DGKZ: variants seen among roughly 807,000 people sequenced by gnomAD.
DGKZ encodes DAG kinase zeta.
DGKZ carries 45 observed loss-of-function variants against 142.5 expected under a neutral mutation model. That is an observed-to-expected ratio of 0.32 (90% CI 0.25 to 0.40). The LOEUF is 0.40. Among genes scored for constraint, DGKZ ranks in the 10% least tolerant of loss-of-function variants. DGKZ has a pLI of 1.00. For missense variants in DGKZ, 755 were observed against 1,306.5 expected (o/e 0.58, Z 6.51); for synonymous variants, 442 against 527.0 (o/e 0.84, Z 2.21).
At position 46,379,099 on chromosome 11, in the gene DGKZ, C is replaced by T. The variant is rs777446368; in HGVS notation, c.2527C>T (p.Leu843=). Residue 843 remains leucine (L), a synonymous_variant, in exon 28 of 31, where the codon CTG becomes TTG. Transcript: ENST00000527911. ...TGGCAGCAAGGATGTGGTCCGCTAC[C>T]TGCTGGACCACGGTGAGCCGGGCAG... 10 of 1,607,150 alleles carry T rather than the reference C, an allele frequency of 6.2e-6. No individual in the cohort carries two copies. In the Admixed American group the frequency reaches 1.3e-4, roughly 21 times the overall value.
chr11:46,378,909 C>A, intron 27 of DGKZ, 82 bp from the exon 28 acceptor site: 2 of 1,487,128 alleles, frequency 1.3e-6, no homozygotes, highest in South Asian at 1.3e-5. Context: ...TGCTGGTGTA[C>A]CCGGCTGTGG....
At chr11:46,338,223 G>A (rs974127897) in intron 1 of DGKZ, among the ~76,000 whole-genome samples, 6 of 152,148 alleles carry the variant, frequency 3.9e-5, no homozygotes, top group South Asian at 2.1e-4. Flanking sequence ...CTTGCCGGGC[G>A]TGGTGGCTCA....
At chr11:46,343,145 A>G (rs1172825332), upstream of DGKZ, among the ~76,000 whole-genome samples, 3 of 151,926 alleles carry the variant, frequency 2.0e-5, no homozygotes, top group Non-Finnish European at 2.9e-5. Flanking sequence ...AAAAAAAAGC[A>G]AAAAAAGGAG....
chr11:46,346,752 T>C (rs1940661233), upstream of DGKZ, among the ~76,000 whole-genome samples: 1 of 152,146 alleles, frequency 6.6e-6, no homozygotes, highest in South Asian at 2.1e-4. Flanking sequence ...TCCCGTAGCA[T>C]ATGAGATCTA....
At chr11:46,375,473 G>A in exon 20 of DGKZ, 2 of 1,583,250 alleles carry the variant, frequency 1.3e-6, no homozygotes, top group Non-Finnish European at 1.7e-6. Context: ...GGCTGACGCA[G>A]TGTCGCGAGG....
At chr11:46,349,913 C>T (rs184061360) in intron 1 of DGKZ, among the ~76,000 whole-genome samples, 187 of 152,326 alleles carry the variant, frequency 1.2e-3, no homozygotes, top group African/African-American at 4.3e-3. Flanking sequence ...CTTGGCGTGT[C>T]TGACCCATCA....
chr11:46,378,744 C>A, intron 27 of DGKZ: 1 of 844,550 alleles, frequency 1.2e-6, no homozygotes, highest in Non-Finnish European at 1.9e-6. Flanking sequence ...TAGAAAGGAG[C>A]AGGTCAGAGG....
chr11:46,344,763 A>T (rs1429855909), upstream of DGKZ, among the ~76,000 whole-genome samples: 2 of 152,066 alleles, frequency 1.3e-5, no homozygotes, highest in Non-Finnish European at 2.9e-5. Flanking sequence ...CTATTACTCC[A>T]CTTTACAGAT....
Position 46,352,958 on chromosome 11 carries a change from T to G in DGKZ, c.161+5138T>G, listed in dbSNP as rs1941588537. Among the ~76,000 whole-genome samples, 3 of 152,304 alleles carry G rather than the reference T, an allele frequency of 2.0e-5. No individual in the cohort carries two copies. The South Asian group carries it at 6.2e-4, about 32-fold the overall frequency. On this transcript the variant is annotated intron_variant, in intron 1 of 30. Coordinates refer to ENST00000527911, the Ensembl canonical transcript of DGKZ. ...AGAGCTATCATTCTGCCATCTTTCC[T>G]CTTCACCCCCTGCCTCGCTGAAACA... is the stretch of plus-strand genomic sequence containing the variant.
chr11:46,333,031 C>A, exon 1 of DGKZ: 1 of 344,748 alleles, frequency 2.9e-6, no homozygotes, highest in Non-Finnish European at 5.2e-6. Flanking sequence ...GAGCGCAGCA[C>A]CCCGACTCCA....
chr11:46,346,700 CCTT>C (rs1425348597), upstream of DGKZ, among the ~76,000 whole-genome samples: 1 of 152,002 alleles, frequency 6.6e-6, no homozygotes, highest in Non-Finnish European at 1.5e-5. Flanking sequence ...TACCTGTTGT[CCTT>C]CTGTGTATTT....
intron 1 of DGKZ, chr11:46,366,263 A>T: frequency 6.3e-7 from 1 of 1,577,968 alleles, no homozygotes; most frequent in Non-Finnish European, 8.5e-7. Flanking sequence ...TGCCATGGAG[A>T]CTTTCTTTAG....
At position 46,372,408 on chromosome 11, in the gene DGKZ, T is replaced by C. The variant is rs7936413; in HGVS notation, c.928-20T>C. Reference sequence around the variant, plus strand: ...GTCCCACCACTGCCTGACTGTCTCTTGGCTCCCCATCCCATCCAGGGTGCA... The same window carrying C: ...GTCCCACCACTGCCTGACTGTCTCTCGGCTCCCCATCCCATCCAGGGTGCA... On this transcript the variant is annotated intron_variant, in intron 10 of 30. Coordinates refer to ENST00000527911, the Ensembl canonical transcript of DGKZ. This position sits in a 1 kb window ranked among gnomAD's most constrained non-coding sequence, Gnocchi z 5.9. 286,982 of 1,613,246 alleles carry C rather than the reference T, an allele frequency of 0.18. 30,400 individuals carry two copies. Among genetic ancestry groups the C allele is most frequent in the African/African-American group, 0.49 (36,398 of 74,894 alleles).
chr11:46,375,635 C>T lies in DGKZ; in HGVS notation c.1910+4C>T, dbSNP rs772706336. 32 of 1,553,396 alleles carry T rather than the reference C, an allele frequency of 2.1e-5. No individual in the cohort carries two copies. The highest frequency in any genetic ancestry group is 5.6e-5 in the Admixed American group (3 of 53,652). On this transcript the variant is annotated splice_donor_region_variant and intron_variant, in intron 20 of 30. Coordinates refer to ENST00000527911, the Ensembl canonical transcript of DGKZ. ...GCGCCGCCCCCCTGCACAGCGAGTA[C>T]GTCCCACCCTGCCACGTGCCCTGGG...
chr11:46,373,543 G>A (rs1944223796), intron 14 of DGKZ, among the ~76,000 whole-genome samples: 1 of 150,436 alleles, frequency 6.6e-6, no homozygotes, highest in Non-Finnish European at 1.5e-5. Context: ...TGTCACCCAG[G>A]CTGGAGTACA....
intron 24 of DGKZ, 151 bp downstream of exon 24, chr11:46,376,715 C>T (rs559604335): frequency 5.7e-5 from 60 of 1,050,488 alleles, no homozygotes; most frequent in African/African-American, 5.0e-4. Flanking sequence ...GCATGGACAG[C>T]GTGCGGCCCT....
chr11:46,375,815 C>T (rs2136504200), intron 20 of DGKZ, 36 bp from the exon 21 acceptor site: 2 of 1,547,490 alleles, frequency 1.3e-6, no homozygotes, highest in South Asian at 1.2e-5. Flanking sequence ...AGGCAGGGCC[C>T]TTGCTGAGCC....
In DGKZ at chr11:46,372,768, C is replaced by G. The variant is rs774070488; in HGVS notation, c.1072-3C>G. The G allele has an allele frequency of 4.5e-5, 72 of 1,607,250 alleles. No homozygotes were observed. Among genetic ancestry groups the G allele is most frequent in the South Asian group, 1.2e-4 (11 of 90,154 alleles). On this transcript the variant is annotated splice_polypyrimidine_tract_variant and splice_region_variant and intron_variant, in intron 12 of 30. Transcript: ENST00000527911. This position sits in a 1 kb window ranked among gnomAD's most constrained non-coding sequence, Gnocchi z 5.9. ...TGATTTGCCTCTGTTCTTCCTCCCC[C>G]AGGTGGGCTGGATCCTCTCCACCCT...
intron 1 of DGKZ, among the ~76,000 whole-genome samples, chr11:46,363,577 G>C (rs1018664967): frequency 6.6e-6 from 1 of 152,224 alleles, no homozygotes; most frequent in Admixed American, 6.5e-5. Context: ...TGTCTCTCGA[G>C]GGGGTCCTGG....
Sources: allele counts gnomAD v4.1 joint callset (sites outside exome capture counted in the v4.1 genomes callset), GRCh38; gene constraint gnomAD v4.1.1; non-coding constraint Gnocchi (gnomAD v3.1); transcripts MANE v1.5; gene names NCBI Gene and HGNC (gene_info 2026-07-23, HGNC 2026-07-21).